Variants in NPS observed in about 807,000 individuals in gnomAD.
The protein encoded by NPS is neuropeptide S, also known as prepro-neuropeptide S.
NPS carries 6 observed loss-of-function variants against 7.2 expected under a neutral mutation model. The observed-to-expected ratio is 0.83, with a 90% CI of 0.46 to 1.64. NPS has a LOEUF of 1.64. NPS is among the 40% of genes most tolerant of loss of function. The pLI, the probability that NPS is intolerant of heterozygous loss-of-function variation, is 0.01. For missense variants in NPS, 123 were observed against 97.8 expected (o/e 1.26, Z -1.09); for synonymous variants, 42 against 36.7 (o/e 1.14, Z -0.52).
At chr10:127,551,161 C>T (rs1844855042) in intron 2 of NPS, among the ~76,000 whole-genome samples, 1 of 152,100 alleles carries the variant, frequency 6.6e-6, no homozygotes, top group Non-Finnish European at 1.5e-5. Flanking sequence ...CGGAAAAATA[C>T]ATAGTGGATG....
rs1844877242 is a variant in NPS, at chr10:127,553,457, C to T, written c.*818C>T. ...CTGCCCACTCTTTGCACTGAAACTC[C>T]TGACACTCCTTTTTTAAAAGGATAA... On this transcript the variant is annotated 3_prime_UTR_variant, in exon 3 of 3. Transcript: ENST00000398023. 6.6e-6 allele frequency among the ~76,000 whole-genome samples: 1 copy of T among 152,164 alleles called. No individual in the cohort carries two copies. Among genetic ancestry groups the T allele is most frequent in the South Asian group, 2.1e-4 (1 of 4,812 alleles).
intron 2 of NPS, among the ~76,000 whole-genome samples, chr10:127,551,780 C>G (rs1844861242): frequency 6.6e-6 from 1 of 152,190 alleles, no homozygotes; most frequent in Non-Finnish European, 1.5e-5. Flanking sequence ...TCAGAGCTGC[C>G]TCTTGGAATC....
At chr10:127,549,790 G>T (rs1421168589) in intron 2 of NPS, among the ~76,000 whole-genome samples, 1 of 152,148 alleles carries the variant, frequency 6.6e-6, no homozygotes, top group Non-Finnish European at 1.5e-5. Flanking sequence ...GAATTATTTA[G>T]GGTTGGCTCC....
chr10:127,552,079 T>G (rs2134877903), intron 2 of NPS, among the ~76,000 whole-genome samples: 1 of 152,358 alleles, frequency 6.6e-6, no homozygotes, highest in East Asian at 1.9e-4. Context: ...AGAAAAGTGG[T>G]TCTGATTGAC....
At chr10:127,552,198 A>G (rs1010155735) in intron 2 of NPS, among the ~76,000 whole-genome samples, 1 of 152,210 alleles carries the variant, frequency 6.6e-6, no homozygotes, top group African/African-American at 2.4e-5. Context: ...CAGCAACAAG[A>G]TAACTTATGT....
chr10:127,552,255 G>A (rs1259982204), intron 2 of NPS, among the ~76,000 whole-genome samples: 1 of 152,176 alleles, frequency 6.6e-6, no homozygotes, highest in Admixed American at 6.5e-5. Flanking sequence ...TATAAGTAGT[G>A]TAAAAATTAG....
At chr10:127,551,835 G>GT (rs1318580056) in intron 2 of NPS, among the ~76,000 whole-genome samples, 2 of 152,156 alleles carry the variant, frequency 1.3e-5, no homozygotes, top group African/African-American at 2.4e-5. Flanking sequence ...CTTGTACTTA[G>GT]TTTTTTTATC....
chr10:127,551,707 C>T (rs1327022502), intron 2 of NPS, among the ~76,000 whole-genome samples: 1 of 152,142 alleles, frequency 6.6e-6, no homozygotes, highest in Non-Finnish European at 1.5e-5. Context: ...TGTTATAATT[C>T]CTCTGAAACC....
intron 2 of NPS, among the ~76,000 whole-genome samples, chr10:127,551,014 T>C (rs1844853307): frequency 6.6e-6 from 1 of 152,166 alleles, no homozygotes; most frequent in Admixed American, 6.5e-5. Flanking sequence ...TTTTGCAGTA[T>C]AAAGGTGGCA....
chr10:127,550,694 C>T (rs1378618655), intron 2 of NPS, among the ~76,000 whole-genome samples: 1 of 152,222 alleles, frequency 6.6e-6, no homozygotes, highest in Non-Finnish European at 1.5e-5. Flanking sequence ...TCTCCTTTCA[C>T]TGCATTTTCC....
intron 2 of NPS, among the ~76,000 whole-genome samples, chr10:127,552,094 A>G (rs1208945907): frequency 6.6e-6 from 1 of 152,218 alleles, no homozygotes; most frequent in East Asian, 1.9e-4. Context: ...ATTGACACCT[A>G]GAGTCTGATC....
At position 127,553,067 on chromosome 10, in the gene NPS, G is replaced by T. The variant is rs1844873236; in HGVS notation, c.*428G>T. On this transcript the variant is annotated 3_prime_UTR_variant, in exon 3 of 3. Transcript: ENST00000398023. ...TGACTTAACAGGCTCAATTCTTGGG[G>T]TGGGGGGATGTGCTATTTCTGTTTC... Among the ~76,000 whole-genome samples the T allele has an allele frequency of 6.6e-6, 1 of 151,968 alleles. No individual in the cohort carries two copies. Among genetic ancestry groups the T allele is most frequent in the Non-Finnish European group, 1.5e-5 (1 of 68,008 alleles).
Position 127,551,831 on chromosome 10 carries a change from C to G in NPS, c.91-629C>G, listed in dbSNP as rs145052089. On this transcript the variant is annotated intron_variant, in intron 2 of 2. Transcript: ENST00000398023. The stretch of plus-strand genomic sequence containing the variant: ...TGGGGCATGCACCTTTGGTCTTGTA[C>G]TTAGTTTTTTTATCTGCAAAATATG... Among the ~76,000 whole-genome samples the G allele has an allele frequency of 7.2e-5, 11 of 152,274 alleles. No homozygotes were observed. The East Asian group carries it at 1.9e-3, about 27-fold the overall frequency.
chr10:127,550,010 A>G (rs1844843459), intron 2 of NPS, among the ~76,000 whole-genome samples: 1 of 152,208 alleles, frequency 6.6e-6, no homozygotes, highest in Admixed American at 6.5e-5. Flanking sequence ...CACATAAAAT[A>G]TTAATTCATA....
chr10:127,549,542 TTTG>T lies in NPS; in HGVS notation c.63_65del (p.Phe21_Trp22delinsLeu), dbSNP rs775458309. The T allele has an allele frequency of 6.2e-7, 1 of 1,610,588 alleles. No homozygotes were observed. The highest frequency in any genetic ancestry group is 8.5e-7 in the Non-Finnish European group (1 of 1,176,942). Reference sequence around the variant, plus strand: ...CTGTCGCTGTCCACAATGCATGTGTTTTGGTGTTATCCAGTTCCATCTTCTAAG... The same window carrying T: ...CTGTCGCTGTCCACAATGCATGTGTTGTGTTATCCAGTTCCATCTTCTAAG... On this transcript the variant is annotated inframe_deletion, in exon 2 of 3. Coordinates refer to ENST00000398023, the MANE Select transcript of NPS (RefSeq NM_001030013.2).
chr10:127,549,445 T>A, intron 1 of NPS, 44 bp from the exon 2 acceptor site: 4 of 1,577,396 alleles, frequency 2.5e-6, no homozygotes, highest in Non-Finnish European at 3.5e-6. Context: ...TATTCTTGCC[T>A]ACTTGAGACT....
At chr10:127,552,105 C>A (rs1392132073) in intron 2 of NPS, among the ~76,000 whole-genome samples, 1 of 152,174 alleles carries the variant, frequency 6.6e-6, no homozygotes, top group Non-Finnish European at 1.5e-5. Flanking sequence ...GAGTCTGATC[C>A]TTATGGGTTG....
At chr10:127,550,205 C>A (rs187895203) in intron 2 of NPS, among the ~76,000 whole-genome samples, 1 of 152,004 alleles carries the variant, frequency 6.6e-6, no homozygotes, top group South Asian at 2.1e-4. Flanking sequence ...TGAACTTGAA[C>A]TTTTTTTCAC....
chr10:127,549,455 T>C (rs771983134), intron 1 of NPS, 34 bp from the exon 2 acceptor site: 1 of 1,586,834 alleles, frequency 6.3e-7, no homozygotes, highest in East Asian at 2.2e-5. Flanking sequence ...TACTTGAGAC[T>C]AAATCTTGAT....
Sources: allele counts gnomAD v4.1 joint callset (sites outside exome capture counted in the v4.1 genomes callset), GRCh38; gene constraint gnomAD v4.1.1; transcripts MANE v1.5; gene names NCBI Gene and HGNC (gene_info 2026-07-23, HGNC 2026-07-21).